The following SEL1L2 variants were observed in gnomAD, a reference collection of about 807,000 sequenced individuals.
SEL1L2 encodes the protein SEL1L2 adaptor subunit of SYVN1 ubiquitin ligase, also known as protein sel-1 homolog 2.
SEL1L2 carries 89 observed loss-of-function variants against 98.8 expected under a neutral mutation model. The ratio of observed to expected loss-of-function variants is 0.90; its 90% CI spans 0.76 to 1.07. The LOEUF (loss-of-function observed/expected upper bound fraction) is 1.07, where lower values mean the gene tolerates loss of function less well. Ranked by LOEUF, SEL1L2 falls within the 50% of genes least tolerant of loss-of-function variation. The probability of loss-of-function intolerance (pLI) is 0.00; values close to 1 mark genes in which losing one functional copy is unlikely to be tolerated. For missense variants in SEL1L2, 788 were observed against 812.0 expected (o/e 0.97, Z 0.36); for synonymous variants, 262 against 278.5 (o/e 0.94, Z 0.59).
At chr20:13,903,040 C>T (rs117961349) in intron 5 of SEL1L2, among the ~76,000 whole-genome samples, 3,028 of 149,886 alleles carry the variant, frequency 0.02, 48 homozygotes, top group Non-Finnish European at 0.03. Context: ...GTCTCTTGAA[C>T]CTGGGAGGCA....
chr20:13,954,493 C>A (rs550007756), intron 2 of SEL1L2, among the ~76,000 whole-genome samples: 1 of 152,082 alleles, frequency 6.6e-6, no homozygotes, highest in African/African-American at 2.4e-5. Context: ...AACAGGCTAC[C>A]CTGGAACATT....
At chr20:13,909,624 G>C (rs1296055648) in intron 5 of SEL1L2, among the ~76,000 whole-genome samples, 3 of 152,092 alleles carry the variant, frequency 2.0e-5, no homozygotes, top group Admixed American at 2.0e-4. Context: ...ATGTCAGGGA[G>C]GGCATAAGAG....
At chr20:13,976,025 C>CA (rs1375338257) in intron 1 of SEL1L2, among the ~76,000 whole-genome samples, 1 of 149,864 alleles carries the variant, frequency 6.7e-6, no homozygotes, top group Non-Finnish European at 1.5e-5. Flanking sequence ...TGTTTTGAGA[C>CA]AGAGTCTCGC....
chr20:13,888,625 C>G (rs878868129), intron 5 of SEL1L2, 113 bp from the exon 6 acceptor site: 5 of 294,266 alleles, frequency 1.7e-5, no homozygotes, highest in Non-Finnish European at 3.0e-5. Flanking sequence ...TTGTTAATTT[C>G]TTTCTTTCTC....
intron 1 of SEL1L2, among the ~76,000 whole-genome samples, chr20:13,970,703 G>C (rs948296505): frequency 2.6e-5 from 4 of 151,904 alleles, no homozygotes; most frequent in Non-Finnish European, 5.9e-5. Context: ...GTGGTGGCAG[G>C]TGCCTGTAAT....
rs1491337845 is a variant in SEL1L2, at chr20:13,939,039, T to TG, written c.115-7269dup. 7.6e-3 allele frequency among the ~76,000 whole-genome samples: 216 copies of TG among 28,366 alleles called. 14 individuals carry two copies. Among genetic ancestry groups the TG allele is most frequent in the East Asian group, 0.066 (66 of 996 alleles). 18.6% of individuals were successfully genotyped at this position (28,366 alleles called of 152,430 possible). ...TTCTTTTTGGTTTGTTTGCTTGTTT[T>TG]GTTTTTTTTTTTTTTTTTTTCTGAG... is the stretch of plus-strand genomic sequence containing the variant. On this transcript the variant is annotated intron_variant, in intron 2 of 19. Transcript: ENST00000284951.
chr20:13,870,575 G>C (rs1350643967), intron 12 of SEL1L2, among the ~76,000 whole-genome samples: 2 of 152,178 alleles, frequency 1.3e-5, no homozygotes, highest in East Asian at 3.9e-4. Context: ...TATCAAAGGG[G>C]AGGGGCAGGT....
chr20:13,862,681 ATTAT>A (rs904333440), intron 17 of SEL1L2, among the ~76,000 whole-genome samples: 2 of 151,194 alleles, frequency 1.3e-5, no homozygotes, highest in Non-Finnish European at 2.9e-5. Flanking sequence ...TTTTATTATT[ATTAT>A]TTATTATTAT....
chr20:13,869,462 T>A, intron 14 of SEL1L2, 41 bp downstream of exon 14: 1 of 1,389,598 alleles, frequency 7.2e-7, no homozygotes, highest in Non-Finnish European at 1.0e-6. Flanking sequence ...TAATAATGCA[T>A]ATGTCATTCT....
At chr20:13,938,251 T>C (rs1198314270) in intron 2 of SEL1L2, among the ~76,000 whole-genome samples, 3 of 151,998 alleles carry the variant, frequency 2.0e-5, no homozygotes, top group Non-Finnish European at 4.4e-5. Context: ...TGGCTAATTT[T>C]TGTATTTTTA....
At position 13,875,938 on chromosome 20, in the gene SEL1L2, A is replaced by T. The variant is rs1326008264; in HGVS notation, c.1104+100T>A. 4.6e-6 allele frequency: 4 copies of T among 878,874 alleles called. No individual in the cohort carries two copies. The East Asian group carries it at 7.3e-5, about 16-fold the overall frequency. 54.4% of individuals were successfully genotyped at this position (878,874 alleles called of 1,614,324 possible). ...ACACAAAACTCCTTACAGGCCCATT[A>T]TCTGGGCTTGGGACTTCGAAGTCAA... On this transcript the variant is annotated intron_variant, in intron 12 of 19. Transcript: ENST00000284951.
At position 13,913,853 on chromosome 20, in the gene SEL1L2, C is replaced by A. The variant is rs367596074; in HGVS notation, c.478G>T (p.Val160Leu). 2.7e-5 allele frequency: 42 copies of A among 1,559,022 alleles called. No homozygotes were observed. In the African/African-American group the frequency reaches 5.8e-4, roughly 21 times the overall value. The change falls in exon 5 of 20, where the codon GTG becomes TTG. Residue 160 changes from valine (V) to leucine (L), a missense_variant. By Grantham distance (32) the Val-to-Leu change is conservative (BLOSUM62 1). Transcript: ENST00000284951. Reference protein sequence around the residue: ...ADALLFGNFGVQNITAAIQLY... With the variant: ...ADALLFGNFGLQNITAAIQLY... ...TGGATAGCTGCTGTTATATTTTGCA[C>A]GCCAAAATTTCCAAATAGCAAAGCG...
At chr20:13,917,643 T>G (rs1444338996) in intron 4 of SEL1L2, among the ~76,000 whole-genome samples, 3 of 152,196 alleles carry the variant, frequency 2.0e-5, no homozygotes, top group African/African-American at 7.2e-5. Context: ...TAAGAACTCA[T>G]GGACTTTGTT....
At chr20:13,941,914 TC>T (rs1371352498) in intron 2 of SEL1L2, among the ~76,000 whole-genome samples, 1 of 152,192 alleles carries the variant, frequency 6.6e-6, no homozygotes, top group East Asian at 1.9e-4. Flanking sequence ...GGCTCAACAA[TC>T]AAAGACATTT....
intron 1 of SEL1L2, among the ~76,000 whole-genome samples, chr20:13,959,741 G>C (rs1218017897): frequency 6.6e-6 from 1 of 152,130 alleles, no homozygotes; most frequent in East Asian, 1.9e-4. Context: ...TACACTATGG[G>C]AATAAACAAA....
At chr20:13,978,753 C>A (rs938761451) in intron 1 of SEL1L2, among the ~76,000 whole-genome samples, 7 of 151,898 alleles carry the variant, frequency 4.6e-5, no homozygotes, top group Non-Finnish European at 7.4e-5. Flanking sequence ...AAATATTATT[C>A]AGCCATGAAA....
intron 1 of SEL1L2, among the ~76,000 whole-genome samples, chr20:13,987,472 A>G (rs942404679): frequency 1.3e-5 from 2 of 151,828 alleles, no homozygotes; most frequent in African/African-American, 2.4e-5. Context: ...CAGCCTCCTG[A>G]GTAGCTGGGA....
Position 13,913,824 on chromosome 20 carries a change from T to C in SEL1L2, c.507A>G (p.Leu169=), listed in dbSNP as rs2048298242. The C allele has an allele frequency of 1.3e-6, 2 of 1,554,672 alleles. No individual in the cohort carries two copies. Among genetic ancestry groups the C allele is most frequent in the Non-Finnish European group, 1.7e-6 (2 of 1,160,882 alleles). ...ATCCTTCTTTAGCCAAGGACTCATA[T>C]AATTGGATAGCTGCTGTTATATTTT... The part of the protein sequence containing the change: ...GVQNITAAIQ[L]YESLAKEGSC... Residue 169 remains leucine, a synonymous_variant, in exon 5 of 20, where the codon TTA becomes TTG. Coordinates refer to ENST00000284951, the MANE Select transcript of SEL1L2 (RefSeq NM_025229.2).
Position 13,931,612 on chromosome 20 carries a change from T to C in SEL1L2, c.274A>G (p.Lys92Glu), listed in dbSNP as rs1291779314. The change falls in exon 3 of 20, where the codon AAG (lysine) becomes GAG (glutamate). Residue 92 changes from lysine to glutamate, a missense_variant. Lys to Glu is a moderately conservative substitution (Grantham distance 56). Coordinates refer to ENST00000284951, the MANE Select transcript of SEL1L2 (RefSeq NM_025229.2). ...IQNKDILKRN[K>E]NHLQKQAEKN... Reference sequence around the variant, plus strand: ...AAGATATTCTACTTACAATGATTCTTATTTCTCTTCAAGATATCTTTATTT... The same window carrying C: ...AAGATATTCTACTTACAATGATTCTCATTTCTCTTCAAGATATCTTTATTT... 3 of 1,391,238 alleles carry C rather than the reference T, an allele frequency of 2.2e-6. No individual in the cohort carries two copies. Among genetic ancestry groups the C allele is most frequent in the Non-Finnish European group, 2.0e-6 (2 of 1,020,550 alleles). The allele number at this position is 1,391,238 out of a possible 1,614,324, so 86.2% of individuals were successfully genotyped here.
Sources: allele counts gnomAD v4.1 joint callset (sites outside exome capture counted in the v4.1 genomes callset), GRCh38; gene constraint gnomAD v4.1.1; transcripts MANE v1.5; gene names NCBI Gene and HGNC (gene_info 2026-07-23, HGNC 2026-07-21).